The following ZNF185 variants were observed in gnomAD, a reference collection of about 807,000 sequenced individuals.
ZNF185 encodes zinc finger protein 185.
Under a neutral mutation model 58.6 loss-of-function variants are expected in ZNF185, and 56 were observed. That is an observed-to-expected ratio of 0.95 (90% CI 0.77 to 1.19). The LOEUF (loss-of-function observed/expected upper bound fraction) is 1.19, where lower values mean the gene tolerates loss of function less well. Among genes scored for constraint, ZNF185 ranks in the 50% most tolerant of loss-of-function variants. ZNF185 has a pLI of 0.00. For synonymous variants in ZNF185, 230 were observed against 215.9 expected, an observed-to-expected ratio of 1.07 and a Z score of -0.57; for missense variants, 627 against 573.5, an observed-to-expected ratio of 1.09 and a Z score of -0.95.
In ZNF185 at chrX:152,938,004, G is replaced by A. The variant is rs2046550900; in HGVS notation, c.1122-70G>A. On this transcript the variant is annotated intron_variant, in intron 14 of 22. Coordinates refer to ENST00000449285, the Ensembl canonical transcript of ZNF185. Reference sequence around the variant, plus strand: ...TCCCTTTCTGGTGAGAAGGCAGCCTGGAGGGGGAAGACCTGGGCCCCAGCC... The same window carrying A: ...TCCCTTTCTGGTGAGAAGGCAGCCTAGAGGGGGAAGACCTGGGCCCCAGCC... 5.8e-6 allele frequency: 6 copies of A among 1,035,539 alleles called. No individual in the cohort carries two copies. In the South Asian group the frequency reaches 1.3e-4, roughly 22 times the overall value. The allele number at this position is 1,035,539 out of a possible 1,213,427, so 85.3% of individuals were successfully genotyped here. A position where few individuals can be genotyped will look rare whatever the true frequency, so the allele number is the denominator to read the frequency against.
exon 2 of ZNF185, chrX:152,914,792 G>T: frequency 8.4e-7 from 1 of 1,188,793 alleles, no homozygotes; most frequent in Non-Finnish European, 1.1e-6. Flanking sequence ...AGGGGGACAA[G>T]AGCTGGATTA....
chrX:152,899,536 G>T, the ZNF185 span, among the ~76,000 whole-genome samples: 1 of 112,919 alleles, frequency 8.9e-6, no homozygotes. Context: ...CCCCTGGCTG[G>T]ATGCTGTGCA....
At chrX:152,914,894 C>T (rs1045949206) in intron 2 of ZNF185, 61 bp downstream of exon 3, 61 of 1,132,036 alleles carry the variant, frequency 5.4e-5, no homozygotes, top group Middle Eastern at 2.4e-4. Context: ...CGTGGGGGAC[C>T]GACCATACCT....
At chrX:152,947,161 G>A (rs1474157778) in intron 16 of ZNF185, among the ~76,000 whole-genome samples, 1 of 111,627 alleles carries the variant, frequency 9.0e-6, no homozygotes, top group Admixed American at 9.5e-5. Flanking sequence ...TGGCAGTATC[G>A]CTTGAGCCCA....
intron 3 of ZNF185, 118 bp downstream of exon 4, chrX:152,915,321 C>A: frequency 2.7e-6 from 2 of 729,066 alleles, no homozygotes; most frequent in Non-Finnish European, 4.0e-6. Flanking sequence ...GCAGCCCCAG[C>A]CAAGGGTCTG....
chrX:152,956,671 G>GGA (rs1556905077), intron 16 of ZNF185, among the ~76,000 whole-genome samples: 1 of 112,026 alleles, frequency 8.9e-6, no homozygotes, highest in Non-Finnish European at 1.9e-5. Context: ...CCCAGGAGGT[G>GGA]GAGGTTGCAG....
intron 18 of ZNF185, 69 bp from the exon 21 acceptor site, chrX:152,965,378 C>A (rs1004617179): frequency 9.6e-7 from 1 of 1,044,035 alleles, no homozygotes; most frequent in Non-Finnish European, 1.3e-6. Flanking sequence ...TGAACCACTC[C>A]TGTGGGCCAG....
At chrX:152,942,162 A>C (rs1052288716) in intron 15 of ZNF185, among the ~76,000 whole-genome samples, 4 of 112,527 alleles carry the variant, frequency 3.6e-5, no homozygotes, top group Admixed American at 9.3e-5. Flanking sequence ...GGGTGGCGTC[A>C]TCCTGACATC....
At position 152,967,283 on chromosome X, in the gene ZNF185, G is replaced by A. The variant is rs781874929; in HGVS notation, c.1871+45G>A. ...ACGGAGCTTGCACTTCTACAGAGGA[G>A]AATCAGGGAAGGGAGAGTTCCTGCT... On this transcript the variant is annotated intron_variant, in intron 20 of 22. Transcript: ENST00000449285. 1.4e-5 allele frequency: 16 copies of A among 1,141,312 alleles called. No homozygotes were observed. In the Admixed American group the frequency reaches 3.3e-4, roughly 24 times the overall value. 94.1% of individuals were successfully genotyped at this position (1,141,312 alleles called of 1,213,427 possible). A position where few individuals can be genotyped will look rare whatever the true frequency, so the allele number is the denominator to read the frequency against.
chrX:152,905,983 A>G, the ZNF185 span, among the ~76,000 whole-genome samples: 1 of 112,314 alleles, frequency 8.9e-6, no homozygotes, highest in African/African-American at 3.2e-5. Flanking sequence ...CTCTTGTAGG[A>G]GGACTGGGGG....
exon 6 of ZNF185, chrX:152,918,095 T>G (rs1438735212): frequency 1.7e-6 from 2 of 1,192,101 alleles, no homozygotes; most frequent in Non-Finnish European, 2.3e-6. Context: ...CAGCTAACGC[T>G]GGTCCTCCCC....
intron 17 of ZNF185, among the ~76,000 whole-genome samples, chrX:152,962,249 C>T (rs1412960324): frequency 9.1e-6 from 1 of 110,070 alleles, no homozygotes; most frequent in Non-Finnish European, 1.9e-5. Flanking sequence ...TGGGAGGGCT[C>T]CTATTGCTCA....
At chrX:152,900,906 G>T in the ZNF185 span, among the ~76,000 whole-genome samples, 6 of 112,600 alleles carry the variant, frequency 5.3e-5, no homozygotes, top group South Asian at 2.2e-3. Flanking sequence ...CACCAGTACT[G>T]AAGGGTGGCT....
Position 152,950,449 on chromosome X carries a change from A to G in ZNF185, c.1409+4985A>G, listed in dbSNP as rs782338670. Reference sequence around the variant, plus strand: ...AAGGCAAAGCAGCACTGGGGCTTTGATAAAGAGCAATATCTCATGTACACT... The same window carrying G: ...AAGGCAAAGCAGCACTGGGGCTTTGGTAAAGAGCAATATCTCATGTACACT... On this transcript the variant is annotated intron_variant, in intron 16 of 22. Coordinates refer to ENST00000449285, the Ensembl canonical transcript of ZNF185. 6.3e-5 allele frequency among the ~76,000 whole-genome samples: 7 copies of G among 111,824 alleles called. No homozygotes were observed. The Admixed American group carries it at 6.7e-4, about 11-fold the overall frequency.
chrX:152,936,155 G>T (rs1159014917), intron 14 of ZNF185, among the ~76,000 whole-genome samples: 3 of 112,480 alleles, frequency 2.7e-5, no homozygotes, highest in Non-Finnish European at 5.6e-5. Context: ...CTGAGGCCCA[G>T]AAAAAAAGGT....
chrX:152,943,423 T>TAATCCAA (rs1437603142), intron 15 of ZNF185, among the ~76,000 whole-genome samples: 1 of 112,356 alleles, frequency 8.9e-6, no homozygotes, highest in Non-Finnish European at 1.9e-5. Flanking sequence ...TCAGAGAAAT[T>TAATCCAA]AATCCAAAAT....
chrX:152,951,491 T>C (rs1310816517), intron 16 of ZNF185, among the ~76,000 whole-genome samples: 1 of 111,881 alleles, frequency 8.9e-6, no homozygotes, highest in African/African-American at 3.2e-5. Flanking sequence ...GCTATTCTCT[T>C]TTTCCTTAGG....
At chrX:152,925,749 C>T (rs924768347) in intron 11 of ZNF185, among the ~76,000 whole-genome samples, 1 of 112,127 alleles carries the variant, frequency 8.9e-6, no homozygotes, top group Admixed American at 9.4e-5. Context: ...CCGTGAGGAA[C>T]AATGACTCAA....
intron 11 of ZNF185, among the ~76,000 whole-genome samples, chrX:152,926,050 T>C (rs1261287672): frequency 1.8e-5 from 2 of 112,542 alleles, no homozygotes; most frequent in African/African-American, 6.4e-5. Flanking sequence ...CTGGTCAAGC[T>C]TGCCTCACCT....
Sources: gnomAD v4.1 joint callset for allele counts (sites outside exome capture counted in the v4.1 genomes callset) on GRCh38, gnomAD v4.1.1 for gene constraint, MANE v1.5 for transcripts, NCBI Gene and HGNC (gene_info 2026-07-23, HGNC 2026-07-21) for gene names.